Variants in RBFOX1 observed in about 807,000 individuals in gnomAD.
The protein encoded by RBFOX1 is RNA binding protein fox-1 homolog 1.
Under a neutral mutation model 57.7 loss-of-function variants are expected in RBFOX1, and 8 were observed. The observed-to-expected ratio is 0.14, with a 90% CI of 0.08 to 0.25. The LOEUF is 0.25. Among genes scored for constraint, RBFOX1 ranks in the 10% least tolerant of loss-of-function variants. The pLI is 1.00. For synonymous variants in RBFOX1, 326 were observed against 222.4 expected (o/e 1.47, Z -4.15); for missense variants, 611 against 548.5 (o/e 1.11, Z -1.14).
At chr16:7,581,553 G>C (rs2093763322) in intron 6 of RBFOX1, among the ~76,000 whole-genome samples, 1 of 152,110 alleles carries the variant, frequency 6.6e-6, no homozygotes, top group South Asian at 2.1e-4. Flanking sequence ...GTTACTGCAG[G>C]CTACAATGCT....
At chr16:6,857,714 C>T (rs1460485354) in intron 3 of RBFOX1, among the ~76,000 whole-genome samples, 1 of 152,106 alleles carries the variant, frequency 6.6e-6, no homozygotes, top group African/African-American at 2.4e-5. Context: ...TTCATGATTT[C>T]CCATTCTCCT....
At chr16:6,503,408 C>T (rs1022516950) in intron 2 of RBFOX1, among the ~76,000 whole-genome samples, 8 of 152,058 alleles carry the variant, frequency 5.3e-5, no homozygotes, top group African/African-American at 1.7e-4. Flanking sequence ...TCCAATATTT[C>T]GTGGCTTAAA....
At chr16:6,970,004 A>G (rs914494509) in intron 3 of RBFOX1, among the ~76,000 whole-genome samples, 4 of 151,982 alleles carry the variant, frequency 2.6e-5, no homozygotes, top group Non-Finnish European at 4.4e-5. Flanking sequence ...CCTGGGCAGC[A>G]TAGCAAGACC....
intron 11 of RBFOX1, among the ~76,000 whole-genome samples, chr16:7,638,179 A>C (rs150532914): frequency 0.014 from 2,117 of 152,270 alleles, 28 homozygotes; most frequent in Non-Finnish European, 0.021. Flanking sequence ...AATCATGATG[A>C]TATCCATAAT....
intron 1 of RBFOX1, among the ~76,000 whole-genome samples, chr16:6,033,581 C>T (rs1329922082): frequency 1.3e-5 from 2 of 151,822 alleles, no homozygotes; most frequent in African/African-American, 4.8e-5. Context: ...AGGATTATTC[C>T]CTCTCATTGT....
intron 3 of RBFOX1, among the ~76,000 whole-genome samples, chr16:6,912,954 G>C (rs927741551): frequency 5.9e-5 from 9 of 151,962 alleles, no homozygotes; most frequent in Non-Finnish European, 8.8e-5. Context: ...AGGGGATCTT[G>C]GGCAATATCT....
At chr16:6,058,390 T>C (rs564792878) in intron 1 of RBFOX1, among the ~76,000 whole-genome samples, 125 of 152,184 alleles carry the variant, frequency 8.2e-4, no homozygotes, top group African/African-American at 2.9e-3. Context: ...ATCCAACCTT[T>C]GCTAACTTCT....
intron 3 of RBFOX1, among the ~76,000 whole-genome samples, chr16:5,768,694 T>C (rs890640979): frequency 1.3e-5 from 2 of 152,108 alleles, no homozygotes; most frequent in African/African-American, 4.8e-5. Context: ...AAGCGGATGA[T>C]TCTGAGCCCA....
intron 10 of RBFOX1, 103 bp from the exon 11 acceptor site, chr16:7,630,500 C>T: frequency 6.4e-7 from 1 of 1,554,264 alleles, no homozygotes; most frequent in South Asian, 1.2e-5. Flanking sequence ...TGGGATGTGG[C>T]TATGTTTTCA....
At chr16:7,118,410 A>G (rs1244675362) in intron 4 of RBFOX1, among the ~76,000 whole-genome samples, 2 of 152,048 alleles carry the variant, frequency 1.3e-5, no homozygotes, top group Admixed American at 6.6e-5. Flanking sequence ...TGCCTGTTCA[A>G]GTCAGAGACT....
At chr16:7,407,464 T>G (rs912672871) in intron 4 of RBFOX1, among the ~76,000 whole-genome samples, 1 of 151,976 alleles carries the variant, frequency 6.6e-6, no homozygotes, top group Non-Finnish European at 1.5e-5. Context: ...TACTAATTAT[T>G]CTCAGACAGG....
intron 3 of RBFOX1, among the ~76,000 whole-genome samples, chr16:5,659,946 A>G (rs1042571249): frequency 2.6e-5 from 4 of 152,254 alleles, no homozygotes; most frequent in Non-Finnish European, 5.9e-5. Flanking sequence ...GCATTAATAC[A>G]GAAGCATCAA....
At chr16:5,422,661 AGGAGGG>A (rs2067377063) in intron 1 of RBFOX1, among the ~76,000 whole-genome samples, 2 of 58,852 alleles carry the variant, frequency 3.4e-5, no homozygotes, top group Admixed American at 4.6e-4. Flanking sequence ...AGGAAAGAGG[AGGAGGG>A]GGAGGGAGAG....
chr16:6,179,519 C>T (rs921361896), intron 1 of RBFOX1, among the ~76,000 whole-genome samples: 1 of 152,162 alleles, frequency 6.6e-6, no homozygotes, highest in Non-Finnish European at 1.5e-5. Context: ...TCACCCTCAT[C>T]TCACAGTCTG....
At chr16:7,638,930 G>T (rs2143014243) in intron 11 of RBFOX1, among the ~76,000 whole-genome samples, 1 of 150,708 alleles carries the variant, frequency 6.6e-6, no homozygotes, top group South Asian at 2.1e-4. Context: ...ATTCTTTTAA[G>T]TGTGCACCCT....
chr16:6,011,889 T>C (rs1332291448), intron 4 of RBFOX1, among the ~76,000 whole-genome samples: 6 of 152,218 alleles, frequency 3.9e-5, no homozygotes. Context: ...TAAAATGGTG[T>C]TGGCTGGAAC....
At chr16:6,127,475 T>A (rs114548134) in intron 1 of RBFOX1, among the ~76,000 whole-genome samples, 4,677 of 152,210 alleles carry the variant, frequency 0.031, 247 homozygotes, top group African/African-American at 0.11. Context: ...AGATGTGAAG[T>A]GATGTGTCTG....
At chr16:5,907,553 C>T (rs999281252) in intron 4 of RBFOX1, among the ~76,000 whole-genome samples, 2 of 152,062 alleles carry the variant, frequency 1.3e-5, no homozygotes, top group Admixed American at 6.5e-5. Context: ...ATTTTACGTG[C>T]TTATATTTAC....
intron 3 of RBFOX1, among the ~76,000 whole-genome samples, chr16:6,961,470 C>T (rs890825463): frequency 8.5e-5 from 13 of 152,174 alleles, no homozygotes; most frequent in African/African-American, 3.1e-4. Flanking sequence ...CGATCAAGAT[C>T]CCAAAGGAGG....
Sources: allele counts gnomAD v4.1 joint callset (sites outside exome capture counted in the v4.1 genomes callset), GRCh38; gene constraint gnomAD v4.1.1; transcripts MANE v1.5; gene names NCBI Gene and HGNC (gene_info 2026-07-23, HGNC 2026-07-21).